The following MEGF9 variants were observed in gnomAD, a reference collection of about 807,000 sequenced individuals.
The protein encoded by MEGF9 is multiple epidermal growth factor-like domains protein 9.
A neutral mutation model predicts 46.8 loss-of-function variants in MEGF9; 6 were observed. The ratio of observed to expected loss-of-function variants is 0.13; its 90% CI spans 0.07 to 0.25. The LOEUF is 0.25. MEGF9 is among the 10% of genes least tolerant of loss of function. The pLI, the probability that MEGF9 is intolerant of heterozygous loss-of-function variation, is 1.00. For synonymous variants in MEGF9, 302 were observed against 330.7 expected, an observed-to-expected ratio of 0.91 and a Z score of 0.94; for missense variants, 683 against 792.4, an observed-to-expected ratio of 0.86 and a Z score of 1.66.
At chr9:120,659,201 T>C (rs1160308505) in intron 2 of MEGF9, among the ~76,000 whole-genome samples, 173 bp downstream of exon 2, 1 of 152,236 alleles carries the variant, frequency 6.6e-6, no homozygotes, top group African/African-American at 2.4e-5. Flanking sequence ...TGTTTTTAAA[T>C]CCTGACATTA....
chr9:120,624,471 G>A (rs184835457), intron 2 of MEGF9, among the ~76,000 whole-genome samples: 65 of 152,028 alleles, frequency 4.3e-4, no homozygotes, highest in Middle Eastern at 3.4e-3. Flanking sequence ...CAAGCAATCC[G>A]TCTGCCTTGG....
chr9:120,700,641 C>G lies in MEGF9; in HGVS notation c.601+13117G>C, dbSNP rs547110958. Among the ~76,000 whole-genome samples, 12 of 152,228 alleles carry G rather than the reference C, an allele frequency of 7.9e-5. No individual in the cohort carries two copies. The South Asian group carries it at 1.2e-3, about 16-fold the overall frequency. On this transcript the variant is annotated intron_variant, in intron 1 of 5. Transcript: ENST00000373930. Reference sequence around the variant, plus strand: ...ATTGGAATGCAAGTCCTTCCCCCCCCGTTATTTCCAATAACCCTTCCCAAT... The same window carrying G: ...ATTGGAATGCAAGTCCTTCCCCCCCGGTTATTTCCAATAACCCTTCCCAAT...
intron 1 of MEGF9, among the ~76,000 whole-genome samples, chr9:120,708,788 A>T: frequency 6.6e-6 from 1 of 152,224 alleles, no homozygotes; most frequent in East Asian, 1.9e-4. Flanking sequence ...TAAAAGGATA[A>T]CTGAATTTAA....
intron 1 of MEGF9, among the ~76,000 whole-genome samples, chr9:120,686,488 A>T (rs1321210314): frequency 6.6e-6 from 1 of 152,246 alleles, no homozygotes; most frequent in Non-Finnish European, 1.5e-5. Flanking sequence ...ACACTTAAAA[A>T]TGGTTACAGT....
At chr9:120,675,861 C>CAGACTCCATCTT (rs2043770717) in intron 1 of MEGF9, among the ~76,000 whole-genome samples, 1 of 122,170 alleles carries the variant, frequency 8.2e-6, no homozygotes. Context: ...GCACTCCAGC[C>CAGACTCCATCTT]TGGCCGACAG....
intron 1 of MEGF9, chr9:120,691,527 A>G (rs186148447): frequency 1.8e-5 from 6 of 334,470 alleles, no homozygotes; most frequent in African/African-American, 9.1e-5. Context: ...GCTCTTCACC[A>G]AGATTAACTT....
intron 1 of MEGF9, among the ~76,000 whole-genome samples, chr9:120,678,386 C>G (rs185786746): frequency 5.4e-4 from 82 of 152,296 alleles, no homozygotes; most frequent in Non-Finnish European, 8.2e-4. Context: ...AGTGGTTGTA[C>G]TAATTTACCC....
At chr9:120,678,784 T>C (rs2043784927) in intron 1 of MEGF9, among the ~76,000 whole-genome samples, 1 of 152,170 alleles carries the variant, frequency 6.6e-6, no homozygotes, top group South Asian at 2.1e-4. Flanking sequence ...TGACTTTGTA[T>C]TTTTAAATAG....
At chr9:120,606,146 C>T (rs1334765305) in intron 5 of MEGF9, among the ~76,000 whole-genome samples, 1 of 140,186 alleles carries the variant, frequency 7.1e-6, no homozygotes, top group South Asian at 2.2e-4. Flanking sequence ...ACTCCAGCCT[C>T]GGTGACAGAG....
At chr9:120,690,029 T>C (rs1418108987) in intron 1 of MEGF9, 1 of 512,042 alleles carries the variant, frequency 2.0e-6, no homozygotes, top group South Asian at 1.5e-5. Flanking sequence ...GAGGGTAATG[T>C]GGCAAATGGG....
At chr9:120,692,279 G>C (rs935286657) in intron 1 of MEGF9, among the ~76,000 whole-genome samples, 2 of 152,168 alleles carry the variant, frequency 1.3e-5, no homozygotes, top group Admixed American at 1.3e-4. Context: ...GCTTTGTCAA[G>C]TCTCTAATTT....
chr9:120,688,167 A>ACACACG (rs1554798965), intron 1 of MEGF9, among the ~76,000 whole-genome samples: 52 of 142,050 alleles, frequency 3.7e-4, no homozygotes, highest in African/African-American at 1.5e-3. Flanking sequence ...ACACACACAC[A>ACACACG]CACGCACGCA....
chr9:120,604,230 T>A lies in MEGF9; in HGVS notation c.*960A>T, dbSNP rs909188819. ...AAAGAAAGAAACATTCGACCTCTTA[T>A]AAATTTCAGCAATGTCCTCAAGAAG... On this transcript the variant is annotated 3_prime_UTR_variant, in exon 6 of 6. Transcript: ENST00000373930. 6.6e-6 allele frequency: 1 copy of A among 152,460 alleles called. No homozygotes were observed. The highest frequency in any genetic ancestry group is 2.4e-5 in the African/African-American group (1 of 41,446). The allele number at this position is 152,460 out of a possible 1,614,324, so 9.4% of individuals were successfully genotyped here.
chr9:120,610,805 C>T (rs2132298343), intron 4 of MEGF9, among the ~76,000 whole-genome samples: 1 of 151,928 alleles, frequency 6.6e-6, no homozygotes, highest in Middle Eastern at 3.4e-3. Flanking sequence ...AAGAAGGTCA[C>T]CATCAAGAAA....
At chr9:120,646,410 T>C (rs1547268) in intron 2 of MEGF9, among the ~76,000 whole-genome samples, 104,786 of 151,978 alleles carry the variant, frequency 0.69, 36,311 homozygotes, top group South Asian at 0.75. Context: ...TCATCTCCTG[T>C]CCCCACTCCT....
At chr9:120,611,301 T>A (rs1302651573) in intron 4 of MEGF9, among the ~76,000 whole-genome samples, 1 of 152,188 alleles carries the variant, frequency 6.6e-6, no homozygotes, top group Non-Finnish European at 1.5e-5. Context: ...ATACAAATGT[T>A]CACAGCAGCA....
chr9:120,616,596 G>T (rs1255276871), intron 3 of MEGF9, among the ~76,000 whole-genome samples: 2 of 151,100 alleles, frequency 1.3e-5, no homozygotes, highest in Admixed American at 6.6e-5. Flanking sequence ...GGAGAATGGC[G>T]TGAATCCGGG....
chr9:120,680,968 G>C (rs1203287798), intron 1 of MEGF9, among the ~76,000 whole-genome samples: 3 of 152,026 alleles, frequency 2.0e-5, no homozygotes, highest in Non-Finnish European at 4.4e-5. Context: ...TGCTGCCTAA[G>C]AGCCTAGGCC....
chr9:120,701,860 T>A (rs1447366038), intron 1 of MEGF9, among the ~76,000 whole-genome samples: 1 of 151,982 alleles, frequency 6.6e-6, no homozygotes, highest in Non-Finnish European at 1.5e-5. Context: ...CTGGCTAATA[T>A]GCTGAAACCC....
Sources: allele counts gnomAD v4.1 joint callset (sites outside exome capture counted in the v4.1 genomes callset), GRCh38; gene constraint gnomAD v4.1.1; transcripts MANE v1.5; gene names NCBI Gene and HGNC (gene_info 2026-07-23, HGNC 2026-07-21).